MTMR9: variants seen among roughly 807,000 people sequenced by gnomAD.
The protein encoded by MTMR9 is myotubularin related protein 9.
In MTMR9, 39 loss-of-function variants were observed where a neutral mutation model predicts 69.5. That is an observed-to-expected ratio of 0.56 (90% confidence interval 0.43 to 0.73). The LOEUF (loss-of-function observed/expected upper bound fraction) is 0.73, where lower values mean the gene tolerates loss of function less well. Among genes scored for constraint, MTMR9 ranks in the 30% least tolerant of loss-of-function variants. The pLI is 0.00. For missense variants in MTMR9, 900 were observed against 671.2 expected, an observed-to-expected ratio of 1.34 and a Z score of -3.77; for synonymous variants, 354 against 240.8, an observed-to-expected ratio of 1.47 and a Z score of -4.35.
At chr8:11,311,898 T>A (rs1800215239) in intron 6 of MTMR9, among the ~76,000 whole-genome samples, 1 of 142,266 alleles carries the variant, frequency 7.0e-6, no homozygotes, top group Non-Finnish European at 1.5e-5. Flanking sequence ...TTTTTTTTTG[T>A]CATTTCAACA....
downstream of MTMR9, among the ~76,000 whole-genome samples, chr8:11,328,798 A>C (rs1324974526): frequency 6.6e-6 from 1 of 152,254 alleles, no homozygotes; most frequent in East Asian, 1.9e-4. Context: ...ATTTCAGGAA[A>C]AGTTAACATC....
intron 6 of MTMR9, among the ~76,000 whole-genome samples, chr8:11,311,313 A>G (rs1800189097): frequency 6.6e-6 from 1 of 152,218 alleles, no homozygotes; most frequent in Non-Finnish European, 1.5e-5. Context: ...AATGTAACAA[A>G]AATTGGCATA....
intron 8 of MTMR9, chr8:11,318,414 C>G (rs1040065744): frequency 3.9e-5 from 6 of 152,046 alleles, no homozygotes; most frequent in African/African-American, 1.2e-4. Context: ...CACATAGGCT[C>G]TATGATTATG....
chr8:11,337,115 G>C, the MTMR9 span, among the ~76,000 whole-genome samples: 1 of 152,096 alleles, frequency 6.6e-6, no homozygotes, highest in African/African-American at 2.4e-5. Flanking sequence ...ATTCTTACTT[G>C]CCACAGACAC....
chr8:11,309,774 G>T, intron 6 of MTMR9, 86 bp downstream of exon 6: 1 of 1,454,794 alleles, frequency 6.9e-7, no homozygotes, highest in East Asian at 2.3e-5. Context: ...TATAGATTAT[G>T]TGAAAGTTTG....
chr8:11,331,245 GGGGGCCTGCCTGCTGGCTTCGT>G, downstream of MTMR9: 1 of 1,613,840 alleles, frequency 6.2e-7, no homozygotes, highest in Non-Finnish European at 8.5e-7. Flanking sequence ...CCTGCTGGGT[GGGGGCCTGCCTGCTGGCTTCGT>G]GGGCCCCCTT....
chr8:11,296,934 A>G (rs1043012527), intron 2 of MTMR9, among the ~76,000 whole-genome samples: 1 of 152,124 alleles, frequency 6.6e-6, no homozygotes, highest in African/African-American at 2.4e-5. Flanking sequence ...AATAATAGAA[A>G]TTTTACTTGG....
At chr8:11,309,326 G>A (rs796563229) in intron 5 of MTMR9, among the ~76,000 whole-genome samples, 19 of 152,262 alleles carry the variant, frequency 1.2e-4, no homozygotes, top group African/African-American at 4.6e-4. Flanking sequence ...ACGTTACCAT[G>A]GCAGGCATTT....
the MTMR9 span, among the ~76,000 whole-genome samples, chr8:11,335,322 G>C: frequency 4.6e-5 from 7 of 152,172 alleles, no homozygotes; most frequent in Non-Finnish European, 8.8e-5. Flanking sequence ...TACATTAGCA[G>C]CTCCCCAAAA....
intron 2 of MTMR9, among the ~76,000 whole-genome samples, chr8:11,297,385 G>A (rs1799599074): frequency 6.6e-6 from 1 of 152,216 alleles, no homozygotes; most frequent in Non-Finnish European, 1.5e-5. Context: ...AATGCATGAT[G>A]TTGATTTGAT....
At chr8:11,315,884 A>T (rs1481142838) in intron 7 of MTMR9, 3 of 152,252 alleles carry the variant, frequency 2.0e-5, no homozygotes, top group Non-Finnish European at 2.9e-5. Context: ...TTTAATGGAT[A>T]TCACAATTCT....
intron 2 of MTMR9, among the ~76,000 whole-genome samples, chr8:11,299,745 T>G (rs979981114): frequency 6.6e-6 from 1 of 152,258 alleles, no homozygotes; most frequent in Non-Finnish European, 1.5e-5. Flanking sequence ...ATTTCATTTT[T>G]CTTCTAGAAT....
intron 2 of MTMR9, among the ~76,000 whole-genome samples, chr8:11,297,517 T>A (rs1799602505): frequency 6.6e-6 from 1 of 151,060 alleles, no homozygotes; most frequent in Admixed American, 6.6e-5. Flanking sequence ...ATGTATGTGT[T>A]TGTGGGTTTT....
rs1317626743 is a variant in MTMR9 at position 11,285,934 on chromosome 8, C to CTCTT, written c.182+878_182+881dup. Among the ~76,000 whole-genome samples the CTCTT allele has an allele frequency of 1.1e-3, 160 of 148,200 alleles. 4 individuals carry two copies. In the East Asian group the frequency reaches 0.024, roughly 23 times the overall value. On this transcript the variant is annotated intron_variant, in intron 1 of 9. Coordinates refer to ENST00000221086, the MANE Select transcript of MTMR9 (RefSeq NM_015458.4). ...AGAGGATATGCCTTAAAATAATAATCTCTTTCTTTCTTTCTTTTTTTTTTT... is the reference window on the plus strand; with the variant it reads ...AGAGGATATGCCTTAAAATAATAATCTCTTTCTTTCTTTCTTTCTTTTTTTTTTT...
chr8:11,306,444 A>T lies in MTMR9; in HGVS notation c.809+37A>T, dbSNP rs748361134. 1.9e-6 allele frequency: 3 copies of T among 1,583,522 alleles called. No homozygotes were observed. The South Asian group carries it at 3.3e-5, about 18-fold the overall frequency. ...CAAAGATAGTACAGACTCTTATTAG[A>T]AGCTAATTATAGTGGGTAAGGCCTT... On this transcript the variant is annotated intron_variant, in intron 5 of 9. Transcript: ENST00000221086.
chr8:11,307,958 G>T (rs1404480803), intron 5 of MTMR9, among the ~76,000 whole-genome samples: 1 of 152,112 alleles, frequency 6.6e-6, no homozygotes, highest in Admixed American at 6.5e-5. Context: ...CCCTTATCCA[G>T]TGTGGTGTTC....
chr8:11,332,285 T>C (rs953889523), downstream of MTMR9: 30 of 1,185,538 alleles, frequency 2.5e-5, no homozygotes, highest in Non-Finnish European at 3.4e-5. Context: ...TGTTCAGTTA[T>C]AATAAAAATA....
intron 6 of MTMR9, among the ~76,000 whole-genome samples, chr8:11,311,310 C>G (rs1317119351): frequency 6.6e-6 from 1 of 152,112 alleles, no homozygotes; most frequent in Non-Finnish European, 1.5e-5. Flanking sequence ...TACAATGTAA[C>G]AAAAATTGGC....
In MTMR9 at chr8:11,322,876, A is replaced by G; in HGVS notation, c.*88A>G. On this transcript the variant is annotated 3_prime_UTR_variant, in exon 10 of 10. Coordinates refer to ENST00000221086, the MANE Select transcript of MTMR9 (RefSeq NM_015458.4). ...GCCCTTCAGTTCACTTTTACACGGT[A>G]GCCTTGAAGTGAAGGCTTTAGATGT... The G allele has an allele frequency of 8.0e-7, 1 of 1,256,784 alleles. No homozygotes were observed. The highest frequency in any genetic ancestry group is 1.1e-6 in the Non-Finnish European group (1 of 902,012). 77.9% of individuals were successfully genotyped at this position (1,256,784 alleles called of 1,614,324 possible). A position where few individuals can be genotyped will look rare whatever the true frequency, so the allele number is the denominator to read the frequency against.
Sources: gnomAD v4.1 joint callset for allele counts (sites outside exome capture counted in the v4.1 genomes callset) on GRCh38, gnomAD v4.1.1 for gene constraint, MANE v1.5 for transcripts, NCBI Gene and HGNC (gene_info 2026-07-23, HGNC 2026-07-21) for gene names.